The following SLC36A1 variants were observed in gnomAD, a reference collection of about 807,000 sequenced individuals.
SLC36A1 encodes solute carrier family 36 member 1, also known as proton-coupled amino acid transporter 1.
A neutral mutation model predicts 47.5 loss-of-function variants in SLC36A1; 30 were observed. The observed-to-expected ratio is 0.63, with a 90% CI of 0.47 to 0.86. The LOEUF is 0.86. Among genes scored for constraint, SLC36A1 ranks in the 40% least tolerant of loss-of-function variants. SLC36A1 has a pLI of 0.00. For missense variants in SLC36A1, 517 were observed against 606.0 expected, an observed-to-expected ratio of 0.85 and a Z score of 1.54; for synonymous variants, 255 against 249.7, an observed-to-expected ratio of 1.02 and a Z score of -0.20.
At chr5:151,521,544 G>A in the SLC36A1 span, 1 of 1,614,204 alleles carries the variant, frequency 6.2e-7, no homozygotes, top group South Asian at 1.1e-5. Flanking sequence ...CAAAGACCAG[G>A]AGCACATCCA....
chr5:151,360,907 C>T, the SLC36A1 span, among the ~76,000 whole-genome samples: 2 of 152,210 alleles, frequency 1.3e-5, no homozygotes, highest in South Asian at 4.1e-4. Flanking sequence ...TGAATTTCTC[C>T]AAGATCCATA....
At chr5:151,392,712 T>C in the SLC36A1 span, among the ~76,000 whole-genome samples, 81 of 152,342 alleles carry the variant, frequency 5.3e-4, no homozygotes, top group African/African-American at 1.9e-3. Context: ...TTGAGTGGTT[T>C]TGAGTGTGTT....
chr5:151,386,291 T>A, the SLC36A1 span, among the ~76,000 whole-genome samples: 63 of 152,196 alleles, frequency 4.1e-4, no homozygotes, highest in African/African-American at 1.5e-3. Context: ...TGGCTTATAC[T>A]CTGAGGTTGG....
chr5:151,542,180 T>A, the SLC36A1 span: 2 of 1,111,190 alleles, frequency 1.8e-6, no homozygotes, highest in Non-Finnish European at 2.6e-6. Flanking sequence ...AAGGTCACAC[T>A]GCTAATAAGT....
At chr5:151,460,009 A>G (rs2127474616) in intron 2 of SLC36A1, 1 of 152,322 alleles carries the variant, frequency 6.6e-6, no homozygotes, top group Middle Eastern at 3.4e-3. Context: ...TCTGTAGCTT[A>G]TTTCTCAGGG....
chr5:151,474,302 G>A (rs567324618), intron 8 of SLC36A1, among the ~76,000 whole-genome samples: 1 of 151,784 alleles, frequency 6.6e-6, no homozygotes, highest in Admixed American at 6.6e-5. Flanking sequence ...TACATTCAAG[G>A]CCCCTTCACT....
chr5:151,536,414 A>G, the SLC36A1 span, among the ~76,000 whole-genome samples: 61 of 152,080 alleles, frequency 4.0e-4, 1 homozygote, highest in Admixed American at 8.5e-4. Flanking sequence ...CTGCTCAGGT[A>G]TCTCCAAGTC....
chr5:151,537,808 G>A, the SLC36A1 span: 53 of 1,611,370 alleles, frequency 3.3e-5, no homozygotes, highest in Admixed American at 8.4e-5. Context: ...TGAGGATCCA[G>A]CTTGAATTCA....
chr5:151,553,416 G>T, the SLC36A1 span: 1 of 1,604,512 alleles, frequency 6.2e-7, no homozygotes, highest in Non-Finnish European at 8.5e-7. Context: ...CAAAACTGAG[G>T]TTTGGGGCCA....
chr5:151,433,435 C>A (rs1355956220), upstream of SLC36A1, among the ~76,000 whole-genome samples: 1 of 148,304 alleles, frequency 6.7e-6, no homozygotes, highest in East Asian at 2.0e-4. Context: ...AGGCACCCAC[C>A]ACCACATCCA....
the SLC36A1 span, among the ~76,000 whole-genome samples, chr5:151,344,674 G>A: frequency 6.6e-6 from 1 of 152,160 alleles, no homozygotes; most frequent in Non-Finnish European, 1.5e-5. Flanking sequence ...TGCTGCTTCA[G>A]AGTCCCTGTT....
the SLC36A1 span, chr5:151,534,419 A>T: frequency 1.2e-6 from 2 of 1,606,970 alleles, no homozygotes; most frequent in Non-Finnish European, 1.7e-6. Context: ...CTTGGTCGGG[A>T]TCCCGGGCAA....
chr5:151,450,321 G>A (rs1182508659), intron 1 of SLC36A1, among the ~76,000 whole-genome samples: 1 of 151,858 alleles, frequency 6.6e-6, no homozygotes, highest in Non-Finnish European at 1.5e-5. Flanking sequence ...GGACGGAGCC[G>A]GTGTCCACTT....
At chr5:151,429,699 G>C in the SLC36A1 span, among the ~76,000 whole-genome samples, 1 of 152,124 alleles carries the variant, frequency 6.6e-6, no homozygotes. Context: ...ACTGGAATCT[G>C]AGTGTTTCTC....
the SLC36A1 span, among the ~76,000 whole-genome samples, chr5:151,537,197 GAGAA>G: frequency 4.7e-5 from 7 of 148,980 alleles, no homozygotes; most frequent in Admixed American, 1.4e-4. Context: ...GAGAGAGAGA[GAGAA>G]AGAAGAAGAG....
At chr5:151,433,434 C>G (rs1759573529), upstream of SLC36A1, among the ~76,000 whole-genome samples, 2 of 148,406 alleles carry the variant, frequency 1.3e-5, no homozygotes, top group East Asian at 2.0e-4. Context: ...CAGGCACCCA[C>G]CACCACATCC....
chr5:151,462,833 G>A (rs1052516560), intron 2 of SLC36A1, among the ~76,000 whole-genome samples: 4 of 150,602 alleles, frequency 2.7e-5, no homozygotes, highest in Non-Finnish European at 4.4e-5. Flanking sequence ...GTGTTTGTCC[G>A]TCATTGTTTG....
At chr5:151,518,368 A>ATTATTATTATTATTATTATT in the SLC36A1 span, among the ~76,000 whole-genome samples, 8 of 82,382 alleles carry the variant, frequency 9.7e-5, no homozygotes, top group South Asian at 5.8e-4. Context: ...TAATAATAAT[A>ATTATTATTATTATTATTATT]ATAATAATTT....
At chr5:151,527,299 G>A in the SLC36A1 span, 4 of 1,613,592 alleles carry the variant, frequency 2.5e-6, no homozygotes, top group Non-Finnish European at 3.4e-6. Flanking sequence ...TCAGCCACTT[G>A]GATAGCGATG....
Sources: gnomAD v4.1 joint callset for allele counts (sites outside exome capture counted in the v4.1 genomes callset) on GRCh38, gnomAD v4.1.1 for gene constraint, MANE v1.5 for transcripts, NCBI Gene and HGNC (gene_info 2026-07-23, HGNC 2026-07-21) for gene names.